HSPE1: variants seen among roughly 807,000 people sequenced by gnomAD.
HSPE1 encodes the protein 10 kDa heat shock protein, mitochondrial.
In HSPE1, 1 loss-of-function variant was observed where a neutral mutation model predicts 13.2. That is an observed-to-expected ratio of 0.08 (90% CI 0.03 to 0.36). HSPE1 has a LOEUF of 0.36. Ranked by LOEUF, HSPE1 falls within the 10% of genes least tolerant of loss-of-function variation. The pLI is 0.99. For synonymous variants in HSPE1, 44 were observed against 42.0 expected, an observed-to-expected ratio of 1.05 and a Z score of -0.19; for missense variants, 73 against 118.7, an observed-to-expected ratio of 0.62 and a Z score of 1.79.
chr2:197,500,987 C>A, intron 1 of HSPE1, 87 bp from the exon 2 acceptor site: 2 of 1,475,416 alleles, frequency 1.4e-6, no homozygotes, highest in South Asian at 2.7e-5. Context: ...AAAGCCAAAA[C>A]GTGTTGAGAT....
Position 197,500,420 on chromosome 2 carries a change from C to G in HSPE1, c.-17C>G. Reference sequence around the variant, plus strand: ...CGCTACACTAGAGCAGAGTACGAGTCTGAGGCGGAGGGAGTAATGGTGAGT... The same window carrying G: ...CGCTACACTAGAGCAGAGTACGAGTGTGAGGCGGAGGGAGTAATGGTGAGT... On this transcript the variant is annotated 5_prime_UTR_variant, in exon 1 of 4. Coordinates refer to ENST00000233893, the MANE Select transcript of HSPE1 (RefSeq NM_002157.3). 1 of 1,601,906 alleles carries G rather than the reference C, an allele frequency of 6.2e-7. No homozygotes were observed.
intron 2 of HSPE1, among the ~76,000 whole-genome samples, chr2:197,502,408 C>G (rs1444596339): frequency 1.3e-5 from 2 of 152,152 alleles, no homozygotes; most frequent in Non-Finnish European, 2.9e-5. Flanking sequence ...AGATCTCAGC[C>G]AAAATACACA....
intron 2 of HSPE1, among the ~76,000 whole-genome samples, chr2:197,502,813 G>A (rs2086273047): frequency 6.6e-6 from 1 of 152,122 alleles, no homozygotes; most frequent in Admixed American, 6.6e-5. Context: ...TTGGAGTCAG[G>A]TTTTAGTTTA....
intron 1 of HSPE1, 34 bp downstream of exon 1, chr2:197,500,473 C>G: frequency 2.9e-6 from 4 of 1,365,730 alleles, no homozygotes; most frequent in Non-Finnish European, 3.9e-6. Context: ...CCTGCAGGCC[C>G]GGGCCTGTCT....
chr2:197,502,986 T>C (rs542548933), intron 2 of HSPE1, 53 bp from the exon 3 acceptor site: 1 of 944,104 alleles, frequency 1.1e-6, no homozygotes, highest in South Asian at 1.3e-5. Context: ...AGTTAACTGT[T>C]TATGTTGGGT....
chr2:197,500,685 C>T (rs1275642227), intron 1 of HSPE1: 1 of 618,922 alleles, frequency 1.6e-6, no homozygotes. Flanking sequence ...CGCAGCGTCT[C>T]ACCTGCTTCT....
chr2:197,503,182 T>C (rs1275586068), intron 3 of HSPE1, 27 bp from the exon 4 acceptor site: 2 of 1,563,216 alleles, frequency 1.3e-6, no homozygotes, highest in Non-Finnish European at 1.8e-6. Context: ...ATTAGTTGTC[T>C]TAACTAATGG....
intron 2 of HSPE1, 78 bp from the exon 3 acceptor site, chr2:197,502,961 T>C (rs2086274616): frequency 2.7e-6 from 2 of 750,014 alleles, no homozygotes; most frequent in Admixed American, 4.3e-5. Context: ...GTTTCATTAG[T>C]TGTAGTGATT....
intron 2 of HSPE1, among the ~76,000 whole-genome samples, chr2:197,501,969 C>A (rs1012674156): frequency 6.6e-6 from 1 of 152,020 alleles, no homozygotes; most frequent in African/African-American, 2.4e-5. Flanking sequence ...TCAGTCTGGG[C>A]AACATAATGA....
intron 1 of HSPE1, 67 bp from the exon 2 acceptor site, chr2:197,501,007 G>A (rs1310326735): frequency 3.8e-6 from 6 of 1,570,064 alleles, no homozygotes; most frequent in South Asian, 2.4e-5. Context: ...TGTATAGCAC[G>A]GTGGCGTTGC....
intron 2 of HSPE1, among the ~76,000 whole-genome samples, chr2:197,501,760 T>A (rs1051573039): frequency 5.5e-5 from 7 of 126,158 alleles, no homozygotes; most frequent in African/African-American, 2.2e-4. Flanking sequence ...AGGGCGAGAT[T>A]CTGTCTCAAA....
chr2:197,503,188 A>G, intron 3 of HSPE1, 21 bp from the exon 4 acceptor site: 1 of 1,599,828 alleles, frequency 6.3e-7, no homozygotes, highest in Non-Finnish European at 8.6e-7. Context: ...TGTCTTAACT[A>G]ATGGTTTTTT....
rs758204031 is a variant in HSPE1, at chr2:197,503,063, G to A, written c.193G>A (p.Val65Met). 3 of 1,604,580 alleles carry A rather than the reference G, an allele frequency of 1.9e-6. No individual in the cohort carries two copies. Among genetic ancestry groups the A allele is most frequent in the South Asian group, 1.1e-5 (1 of 90,966 alleles). The change falls in exon 3 of 4, where the codon GTG becomes ATG. Residue 65 changes from valine (V) to methionine (M), a missense_variant. Transcript: ENST00000233893. ...GGGTGGAGAGATTCAACCAGTTAGC[G>A]TGAAAGTTGGAGATAAAGTTCTTCT... Reference protein sequence around the residue: ...GKGGEIQPVSVKVGDKVLLPE... With the variant: ...GKGGEIQPVSMKVGDKVLLPE...
chr2:197,500,580 G>A, intron 1 of HSPE1, 141 bp downstream of exon 1: 1 of 1,292,710 alleles, frequency 7.7e-7, no homozygotes, highest in Non-Finnish European at 1.1e-6. Flanking sequence ...ACCTTGGAGC[G>A]GCAAGGCCCG....
At position 197,501,137 on chromosome 2, in the gene HSPE1, G is replaced by A. The variant is rs2086249132; in HGVS notation, c.67G>A (p.Ala23Thr). 1 of 1,614,136 alleles carries A rather than the reference G, an allele frequency of 6.2e-7. No homozygotes were observed. Among genetic ancestry groups the A allele is most frequent in the East Asian group, 2.2e-5 (1 of 44,884 alleles). ...CCGAGTATTGGTTGAAAGGAGTGCTGCTGAAACTGTAACCAAAGGAGGCAT... is the reference window on the plus strand; with the variant it reads ...CCGAGTATTGGTTGAAAGGAGTGCTACTGAAACTGTAACCAAAGGAGGCAT... ...FDRVLVERSA[A>T]ETVTKGGIML... Residue 23 changes from alanine (A) to threonine (T), a missense_variant, in exon 2 of 4, where the codon GCT (alanine) becomes ACT (threonine). By Grantham distance (58) the Ala-to-Thr change is moderately conservative. Coordinates refer to ENST00000233893, the MANE Select transcript of HSPE1 (RefSeq NM_002157.3).
intron 2 of HSPE1, among the ~76,000 whole-genome samples, chr2:197,502,524 T>C (rs1159297381): frequency 6.6e-6 from 1 of 152,220 alleles, no homozygotes; most frequent in Non-Finnish European, 1.5e-5. Context: ...AGGAAGACTT[T>C]GGGGAGTGGA....
chr2:197,500,814 T>C, intron 1 of HSPE1: 1 of 585,000 alleles, frequency 1.7e-6, no homozygotes, highest in Non-Finnish European at 3.0e-6. Flanking sequence ...CATTTGACCT[T>C]GGAATAAACT....
At chr2:197,501,789 C>T (rs979247894) in intron 2 of HSPE1, among the ~76,000 whole-genome samples, 4 of 151,570 alleles carry the variant, frequency 2.6e-5, no homozygotes, top group Admixed American at 1.3e-4. Context: ...AAAAAAATCC[C>T]CTCAATAGCA....
intron 2 of HSPE1, among the ~76,000 whole-genome samples, chr2:197,502,802 G>A (rs1414416868): frequency 1.3e-5 from 2 of 152,074 alleles, no homozygotes; most frequent in African/African-American, 2.4e-5. Flanking sequence ...GAACTTTTAC[G>A]TTGGAGTCAG....
Sources: gnomAD v4.1 joint callset for allele counts (sites outside exome capture counted in the v4.1 genomes callset) on GRCh38, gnomAD v4.1.1 for gene constraint, MANE v1.5 for transcripts, NCBI Gene and HGNC (gene_info 2026-07-23, HGNC 2026-07-21) for gene names.